STK3: variants seen among roughly 807,000 people sequenced by gnomAD.
The protein encoded by STK3 is serine/threonine-protein kinase 3.
A neutral mutation model predicts 58.0 loss-of-function variants in STK3; 41 were observed. The ratio of observed to expected loss-of-function variants is 0.71; its 90% CI spans 0.55 to 0.92. The LOEUF (loss-of-function observed/expected upper bound fraction) is 0.92. Ranked by LOEUF, STK3 falls within the 40% of genes least tolerant of loss-of-function variation. STK3 has a pLI of 0.00. For synonymous variants in STK3, 170 were observed against 191.0 expected, an observed-to-expected ratio of 0.89 and a Z score of 0.91; for missense variants, 479 against 602.7, an observed-to-expected ratio of 0.79 and a Z score of 2.15.
At chr8:98,877,703 G>A (rs747425279) in intron 3 of STK3, among the ~76,000 whole-genome samples, 52 of 151,960 alleles carry the variant, frequency 3.4e-4, no homozygotes, top group Non-Finnish European at 4.7e-4. Context: ...GGCTGGTCTC[G>A]AACTCCCGAC....
chr8:98,679,379 T>C (rs1823457460), intron 6 of STK3, among the ~76,000 whole-genome samples: 1 of 152,188 alleles, frequency 6.6e-6, no homozygotes, highest in African/African-American at 2.4e-5. Flanking sequence ...TCTTCAGCTT[T>C]TTATTCCAGT....
intron 8 of STK3, among the ~76,000 whole-genome samples, chr8:98,567,141 C>A (rs972664631): frequency 6.6e-6 from 1 of 152,174 alleles, no homozygotes; most frequent in African/African-American, 2.4e-5. Context: ...CTTGTACTTT[C>A]GTTCCATAAC....
At chr8:98,841,304 T>C (rs1019168164) in intron 3 of STK3, among the ~76,000 whole-genome samples, 10 of 152,240 alleles carry the variant, frequency 6.6e-5, no homozygotes, top group African/African-American at 1.9e-4. Context: ...TTGTCTTGAT[T>C]GTGGTGATGG....
At chr8:98,669,578 G>A (rs1452874002) in intron 6 of STK3, among the ~76,000 whole-genome samples, 3 of 152,150 alleles carry the variant, frequency 2.0e-5, no homozygotes, top group African/African-American at 7.2e-5. Context: ...AAAATTCAAA[G>A]TGGAATTTTT....
At chr8:98,408,167 A>G (rs767484454) in intron 3 of STK3, among the ~76,000 whole-genome samples, 9 of 152,178 alleles carry the variant, frequency 5.9e-5, no homozygotes, top group Non-Finnish European at 1.2e-4. Flanking sequence ...TCAATTGGCC[A>G]TTTGGAAAAA....
At chr8:98,520,920 C>A (rs1825313795) in intron 10 of STK3, among the ~76,000 whole-genome samples, 1 of 152,144 alleles carries the variant, frequency 6.6e-6, no homozygotes, top group South Asian at 2.1e-4. Context: ...TCCACCTATG[C>A]TTCTTCTTTT....
chr8:98,611,410 G>A (rs1273206842), intron 6 of STK3, among the ~76,000 whole-genome samples: 1 of 151,932 alleles, frequency 6.6e-6, no homozygotes, highest in Non-Finnish European at 1.5e-5. Flanking sequence ...ATAGATCTCA[G>A]AAATTTAGTG....
chr8:98,840,584 TATATATATATATATA>T (rs1835936374), intron 3 of STK3, among the ~76,000 whole-genome samples: 1 of 8,204 alleles, frequency 1.2e-4, no homozygotes. Context: ...GAAAAAAATG[TATATATATATATATA>T]TATATATATA....
chr8:98,881,438 T>C (rs1202804875), downstream of STK3: 2 of 152,244 alleles, frequency 1.3e-5, no homozygotes, highest in Non-Finnish European at 2.9e-5. Context: ...TCCGATACTG[T>C]TGTGGTGGGT....
intron 4 of STK3, among the ~76,000 whole-genome samples, chr8:98,709,286 A>C (rs1451583836): frequency 6.6e-6 from 1 of 152,202 alleles, no homozygotes. Flanking sequence ...AAGAAGGCCC[A>C]AAAGACATTT....
rs530067640 is a variant in STK3, at chr8:98,517,301, A to T, written c.1317+9441T>A. Among the ~76,000 whole-genome samples the T allele has an allele frequency of 2.3e-4, 35 of 152,146 alleles. 1 individual carries two copies. The highest frequency in any genetic ancestry group is 2.3e-3 in the South Asian group (11 of 4,828). On this transcript the variant is annotated intron_variant, in intron 10 of 10. Transcript: ENST00000419617. Reference sequence around the variant, plus strand: ...CAAGACAACTAGATTCTGGATTTTTAAAAAAAGTCTATTATTTACTGAAAA... The same window carrying T: ...CAAGACAACTAGATTCTGGATTTTTTAAAAAAGTCTATTATTTACTGAAAA...
At chr8:98,418,883 GC>G (rs1158833354) in intron 3 of STK3, among the ~76,000 whole-genome samples, 6 of 152,166 alleles carry the variant, frequency 3.9e-5, no homozygotes, top group African/African-American at 1.4e-4. Context: ...GCTCCACTCT[GC>G]CACAACCTGC....
At chr8:98,400,485 C>T (rs140963049), downstream of STK3, among the ~76,000 whole-genome samples, 157 of 152,380 alleles carry the variant, frequency 1.0e-3, 2 homozygotes, top group African/African-American at 3.6e-3. Context: ...GCTCAGCAAT[C>T]TCTCTCACGC....
chr8:98,746,529 C>T (rs1456097861), intron 4 of STK3, among the ~76,000 whole-genome samples: 2 of 152,254 alleles, frequency 1.3e-5, no homozygotes, highest in East Asian at 3.9e-4. Flanking sequence ...GGGAAGATCA[C>T]TTGAGCCCAG....
chr8:98,537,501 A>T (rs949992106), intron 9 of STK3, among the ~76,000 whole-genome samples: 1 of 152,204 alleles, frequency 6.6e-6, no homozygotes, highest in Non-Finnish European at 1.5e-5. Context: ...TTATTAAAAA[A>T]AATACTAGGC....
intron 6 of STK3, among the ~76,000 whole-genome samples, chr8:98,695,871 T>G (rs1824871034): frequency 6.6e-6 from 1 of 152,208 alleles, no homozygotes; most frequent in African/African-American, 2.4e-5. Context: ...CCATATGAAC[T>G]TTAAAATAGT....
At chr8:98,523,675 C>A (rs1825546837) in intron 10 of STK3, among the ~76,000 whole-genome samples, 1 of 151,872 alleles carries the variant, frequency 6.6e-6, no homozygotes, top group African/African-American at 2.4e-5. Context: ...ATGCCCAGCC[C>A]CTTTGCCCAT....
At chr8:98,936,658 C>T (rs1840209799) in intron 1 of STK3, among the ~76,000 whole-genome samples, 1 of 152,224 alleles carries the variant, frequency 6.6e-6, no homozygotes, top group Non-Finnish European at 1.5e-5. Flanking sequence ...ATATGACACA[C>T]TTGTTCTCCA....
intron 10 of STK3, among the ~76,000 whole-genome samples, chr8:98,508,539 ATATTCTGAAATGGAT>A (rs1824263970): frequency 6.6e-6 from 1 of 152,184 alleles, no homozygotes; most frequent in African/African-American, 2.4e-5. Context: ...AATGATGAAA[ATATTCTGAAATGGAT>A]TATAGTGCCA....
Sources: allele counts gnomAD v4.1 joint callset (sites outside exome capture counted in the v4.1 genomes callset), GRCh38; gene constraint gnomAD v4.1.1; transcripts MANE v1.5; gene names NCBI Gene and HGNC (gene_info 2026-07-23, HGNC 2026-07-21).